The following TRDN variants were observed in gnomAD, a reference collection of about 807,000 sequenced individuals.
TRDN encodes triadin in skeletal muscle.
Under a neutral mutation model 149.7 loss-of-function variants are expected in TRDN, and 161 were observed. The ratio of observed to expected loss-of-function variants is 1.08; its 90% CI spans 0.95 to 1.23. TRDN has a LOEUF of 1.23. Ranked by LOEUF, TRDN falls within the 50% of genes most tolerant of loss-of-function variation. The pLI is 0.00. For missense variants in TRDN, 896 were observed against 823.5 expected (o/e 1.09, Z -1.08); for synonymous variants, 294 against 250.5 (o/e 1.17, Z -1.64).
chr6:123,411,261 G>A (rs905135471), intron 12 of TRDN, among the ~76,000 whole-genome samples: 1 of 151,766 alleles, frequency 6.6e-6, no homozygotes, highest in Non-Finnish European at 1.5e-5. Flanking sequence ...TGGCAGGGCG[G>A]GTCTCGAACT....
intron 26 of TRDN, among the ~76,000 whole-genome samples, chr6:123,276,510 G>A (rs1284133012): frequency 6.6e-6 from 1 of 152,108 alleles, no homozygotes; most frequent in Non-Finnish European, 1.5e-5. Flanking sequence ...AATTGAAGAA[G>A]ATACCGTTAA....
In TRDN at chr6:123,381,354, G is replaced by T; in HGVS notation, c.1186+16C>A. Reference sequence around the variant, plus strand: ...AAAAAAAAAAGTACACAAATACACTGCATGCATTTCCTTACTTTTTCCCTT... The same window carrying T: ...AAAAAAAAAAGTACACAAATACACTTCATGCATTTCCTTACTTTTTCCCTT... On this transcript the variant is annotated intron_variant, in intron 16 of 40. Transcript: ENST00000334268. 1 of 1,550,354 alleles carries T rather than the reference G, an allele frequency of 6.5e-7. No homozygotes were observed. The highest frequency in any genetic ancestry group is 1.2e-5 in the South Asian group (1 of 84,012).
chr6:123,366,808 A>T (rs1269756927), intron 19 of TRDN, among the ~76,000 whole-genome samples: 1 of 152,098 alleles, frequency 6.6e-6, no homozygotes, highest in African/African-American at 2.4e-5. Context: ...ATGAGCCACC[A>T]CGCCCGGCCA....
At chr6:123,493,800 C>A (rs1258795602) in intron 9 of TRDN, among the ~76,000 whole-genome samples, 1 of 152,140 alleles carries the variant, frequency 6.6e-6, no homozygotes, top group East Asian at 1.9e-4. Flanking sequence ...TGTCTCACCA[C>A]TTACATTGTC....
chr6:123,259,385 A>G (rs1037571121), intron 35 of TRDN, among the ~76,000 whole-genome samples: 5 of 152,120 alleles, frequency 3.3e-5, no homozygotes, highest in African/African-American at 9.6e-5. Flanking sequence ...TTTAGTAGTA[A>G]CAGGTAGAGT....
At chr6:123,243,270 C>T (rs1776056040) in intron 38 of TRDN, among the ~76,000 whole-genome samples, 1 of 152,026 alleles carries the variant, frequency 6.6e-6, no homozygotes, top group Non-Finnish European at 1.5e-5. Flanking sequence ...ACCATGGTCA[C>T]TAAGGAGGGA....
intron 40 of TRDN, 74 bp downstream of exon 40, chr6:123,221,413 T>A: frequency 8.9e-7 from 1 of 1,126,218 alleles, no homozygotes; most frequent in Non-Finnish European, 1.2e-6. Context: ...CTTAAGAGAG[T>A]CTAACATTTT....
At chr6:123,567,673 T>A (rs1174343304) in intron 2 of TRDN, among the ~76,000 whole-genome samples, 1 of 151,938 alleles carries the variant, frequency 6.6e-6, no homozygotes, top group Non-Finnish European at 1.5e-5. Flanking sequence ...AAAAATCATA[T>A]CTCACAAGAT....
intron 12 of TRDN, among the ~76,000 whole-genome samples, chr6:123,436,258 C>T (rs979354761): frequency 3.3e-5 from 5 of 151,974 alleles, no homozygotes; most frequent in Non-Finnish European, 5.9e-5. Context: ...AACTGTTTTT[C>T]CCTTCTTATG....
intron 2 of TRDN, among the ~76,000 whole-genome samples, chr6:123,566,037 C>T (rs916910362): frequency 3.9e-5 from 6 of 152,266 alleles, no homozygotes; most frequent in East Asian, 3.9e-4. Context: ...AATTCATAAA[C>T]GATATAATAA....
intron 18 of TRDN, among the ~76,000 whole-genome samples, chr6:123,376,120 G>T (rs1444267908): frequency 2.0e-5 from 3 of 152,046 alleles, no homozygotes; most frequent in African/African-American, 4.8e-5. Context: ...ATTGTATTTT[G>T]TCAGGTTCAA....
intron 31 of TRDN, among the ~76,000 whole-genome samples, chr6:123,269,051 A>G (rs1562238920): frequency 6.6e-6 from 1 of 152,138 alleles, no homozygotes; most frequent in East Asian, 1.9e-4. Flanking sequence ...GAGCCAGAAT[A>G]TATTTGACCA....
chr6:123,338,999 T>C (rs1313083643), intron 21 of TRDN, among the ~76,000 whole-genome samples: 1 of 151,980 alleles, frequency 6.6e-6, no homozygotes, highest in African/African-American at 2.4e-5. Context: ...TGTAAGTAGA[T>C]GTATTAGGGG....
chr6:123,265,603 C>T (rs1043147927), intron 32 of TRDN, among the ~76,000 whole-genome samples: 7 of 149,222 alleles, frequency 4.7e-5, no homozygotes, highest in African/African-American at 1.7e-4. Context: ...TGATTTGATA[C>T]AATATTAATC....
chr6:123,329,859 A>C (rs2114723669), intron 23 of TRDN, among the ~76,000 whole-genome samples: 1 of 152,224 alleles, frequency 6.6e-6, no homozygotes, highest in South Asian at 2.1e-4. Context: ...GATTACATTT[A>C]ATTGTCTTTT....
At chr6:123,261,618 A>G (rs1776774584) in intron 33 of TRDN, among the ~76,000 whole-genome samples, 1 of 151,886 alleles carries the variant, frequency 6.6e-6, no homozygotes. Flanking sequence ...TGTTTTCTAC[A>G]AACGTGGTAT....
At chr6:123,439,082 G>A (rs1221963836) in intron 10 of TRDN, 79 bp from the exon 11 acceptor site, 1 of 1,133,774 alleles carries the variant, frequency 8.8e-7, no homozygotes, top group Admixed American at 2.5e-5. Flanking sequence ...AAGGATTTTT[G>A]TTAAGTCAGT....
At chr6:123,384,586 T>C (rs1469930763) in intron 14 of TRDN, among the ~76,000 whole-genome samples, 1 of 152,196 alleles carries the variant, frequency 6.6e-6, no homozygotes, top group African/African-American at 2.4e-5. Context: ...ATATAATAAA[T>C]GTAACTATAG....
chr6:123,295,945 A>C (rs1475439565), intron 24 of TRDN, among the ~76,000 whole-genome samples: 1 of 151,930 alleles, frequency 6.6e-6, no homozygotes, highest in East Asian at 1.9e-4. Context: ...AGCCTGGGTG[A>C]TGGAGTAAGA....
Sources: gnomAD v4.1 joint callset for allele counts (sites outside exome capture counted in the v4.1 genomes callset) on GRCh38, gnomAD v4.1.1 for gene constraint, MANE v1.5 for transcripts, NCBI Gene and HGNC (gene_info 2026-07-23, HGNC 2026-07-21) for gene names.